CHEK2: variants seen among roughly 807,000 people sequenced by gnomAD.
The protein encoded by CHEK2 is serine/threonine-protein kinase Chk2.
CHEK2 carries 71 observed loss-of-function variants against 69.1 expected under a neutral mutation model. The observed-to-expected ratio is 1.03, with a 90% CI of 0.85 to 1.25. The LOEUF (loss-of-function observed/expected upper bound fraction) is 1.25, where lower values mean the gene tolerates loss of function less well. Ranked by LOEUF, CHEK2 falls within the 50% of genes most tolerant of loss-of-function variation. The probability of loss-of-function intolerance (pLI) is 0.00; values close to 1 mark genes in which losing one functional copy is unlikely to be tolerated. For missense variants in CHEK2, 664 were observed against 649.6 expected (o/e 1.02, Z -0.24); for synonymous variants, 189 against 226.9 (o/e 0.83, Z 1.50).
intron 9 of CHEK2, 68 bp from the exon 10 acceptor site, chr22:28,697,055 A>G: frequency 2.1e-6 from 2 of 932,596 alleles, no homozygotes; most frequent in South Asian, 2.6e-5. Flanking sequence ...CAAAGTTACC[A>G]ACACACACAT....
At chr22:28,716,783 T>C (rs1391447870) in intron 5 of CHEK2, among the ~76,000 whole-genome samples, 2 of 152,186 alleles carry the variant, frequency 1.3e-5, no homozygotes, top group Non-Finnish European at 2.9e-5. Context: ...CCTAAAGAAA[T>C]GGTTCTCAAA....
chr22:28,720,433 C>T (rs980095284), intron 4 of CHEK2, among the ~76,000 whole-genome samples: 1 of 151,792 alleles, frequency 6.6e-6, no homozygotes, highest in Non-Finnish European at 1.5e-5. Context: ...AATTCTATAA[C>T]CCAGGACAGT....
chr22:28,691,156 G>T (rs1419515718), intron 13 of CHEK2, among the ~76,000 whole-genome samples: 3 of 152,048 alleles, frequency 2.0e-5, no homozygotes, highest in Non-Finnish European at 4.4e-5. Flanking sequence ...CAAACAGAGT[G>T]GTCACAAGCC....
chr22:28,732,214 C>A lies in CHEK2; in HGVS notation c.319+2189G>T, dbSNP rs577578735. On this transcript the variant is annotated intron_variant, in intron 2 of 14. Coordinates refer to ENST00000404276, the MANE Select transcript of CHEK2 (RefSeq NM_007194.4). Reference sequence around the variant, plus strand: ...GCAACCTCTGCCTCCCAGGTTCAACCGATTCTCCTGCCTCAGCCTCCTGAG... The same window carrying A: ...GCAACCTCTGCCTCCCAGGTTCAACAGATTCTCCTGCCTCAGCCTCCTGAG... Among the ~76,000 whole-genome samples the A allele has an allele frequency of 6.6e-5, 10 of 152,216 alleles. No individual in the cohort carries two copies. The South Asian group carries it at 2.1e-3, about 32-fold the overall frequency.
intron 10 of CHEK2, among the ~76,000 whole-genome samples, chr22:28,696,349 A>T (rs1347414590): frequency 6.6e-6 from 1 of 152,164 alleles, no homozygotes; most frequent in African/African-American, 2.4e-5. Flanking sequence ...GAAACAGGGA[A>T]AGGCAGCGCA....
chr22:28,724,479 A>T lies in CHEK2; in HGVS notation c.592+498T>A, dbSNP rs553479665. 2.2e-5 allele frequency: 5 copies of T among 226,072 alleles called. No homozygotes were observed. In the East Asian group the frequency reaches 5.2e-4, roughly 24 times the overall value. 14.0% of individuals were successfully genotyped at this position (226,072 alleles called of 1,614,324 possible). A position where few individuals can be genotyped will look rare whatever the true frequency, so the allele number is the denominator to read the frequency against. On this transcript the variant is annotated intron_variant, in intron 4 of 14. Transcript: ENST00000404276. ...TACATAAAACCAATTAAACCTTAAA[A>T]CCTTAAAAATCTGTCTGGATGGAAC... is the stretch of plus-strand genomic sequence containing the variant.
At chr22:28,700,440 C>T (rs1229446805) in intron 8 of CHEK2, among the ~76,000 whole-genome samples, 1 of 152,052 alleles carries the variant, frequency 6.6e-6, no homozygotes, top group East Asian at 1.9e-4. Flanking sequence ...GTCTCAAATT[C>T]CTGGCCTCAA....
chr22:28,718,083 AG>A (rs1196719342), intron 5 of CHEK2, among the ~76,000 whole-genome samples: 1 of 152,212 alleles, frequency 6.6e-6, no homozygotes, highest in Admixed American at 6.5e-5. Context: ...TCCGTCTCAA[AG>A]AAAAAAAAGT....
intron 8 of CHEK2, among the ~76,000 whole-genome samples, chr22:28,700,714 T>C (rs190230695): frequency 2.0e-5 from 3 of 152,268 alleles, no homozygotes; most frequent in East Asian, 3.9e-4. Flanking sequence ...TCTACCTTGA[T>C]GGTTGTTATA....
intron 2 of CHEK2, among the ~76,000 whole-genome samples, chr22:28,731,753 C>G (rs2054224187): frequency 6.6e-6 from 1 of 152,016 alleles, no homozygotes; most frequent in African/African-American, 2.4e-5. Flanking sequence ...GTCTCAAACT[C>G]CTGGGTTCAA....
intron 4 of CHEK2, chr22:28,724,776 G>A (rs1327959234): frequency 1.6e-6 from 1 of 631,432 alleles, no homozygotes; most frequent in African/African-American, 1.8e-5. Context: ...ATGTGGGTCA[G>A]GCTGGTCTCG....
At chr22:28,713,213 C>T (rs567210421) in intron 5 of CHEK2, among the ~76,000 whole-genome samples, 5 of 152,114 alleles carry the variant, frequency 3.3e-5, no homozygotes, top group Admixed American at 2.0e-4. Flanking sequence ...ATTCACCTTC[C>T]GACGGACATT....
intron 5 of CHEK2, among the ~76,000 whole-genome samples, chr22:28,718,437 A>G (rs886170987): frequency 1.2e-4 from 19 of 152,226 alleles, no homozygotes; most frequent in Admixed American, 1.2e-3. Context: ...TATATATCCA[A>G]AAAAAAATTT....
chr22:28,723,064 C>G (rs555524200), intron 4 of CHEK2, among the ~76,000 whole-genome samples: 2 of 152,236 alleles, frequency 1.3e-5, no homozygotes, highest in Admixed American at 1.3e-4. Flanking sequence ...TCACGCTGAG[C>G]TACTTTTAAC....
intron 2 of CHEK2, among the ~76,000 whole-genome samples, chr22:28,729,925 ATTT>A (rs375179038): frequency 2.0e-5 from 3 of 148,594 alleles, no homozygotes; most frequent in Admixed American, 6.7e-5. Flanking sequence ...GCCAGAAAGC[ATTT>A]TTTTTTTCTT....
At chr22:28,723,885 G>T (rs560744772) in intron 4 of CHEK2, among the ~76,000 whole-genome samples, 22 of 152,158 alleles carry the variant, frequency 1.4e-4, no homozygotes, top group African/African-American at 5.3e-4. Flanking sequence ...GGAGGCAGAG[G>T]TTGCAGTGCC....
rs1555915357 is a variant in CHEK2 at position 28,699,855 on chromosome 22, T to A, written c.991A>T (p.Met331Leu). The A allele has an allele frequency of 6.2e-7, 1 of 1,613,462 alleles. No individual in the cohort carries two copies. Among genetic ancestry groups the A allele is most frequent in the Non-Finnish European group, 8.5e-7 (1 of 1,179,436 alleles). The change falls in exon 9 of 15, where the codon ATG becomes TTG. Residue 331 changes from methionine (M) to leucine (L), a missense_variant. Met to Leu is a conservative substitution (Grantham distance 15). Transcript: ENST00000404276. ...EATCKLYFYQ[M>L]LLAVQYLHEN... ...TCTTTTACCTGCACAGCCAAGAGCATCTGGTAAAAATAGAGCTTGCAGGTA... is the reference window on the plus strand; with the variant it reads ...TCTTTTACCTGCACAGCCAAGAGCAACTGGTAAAAATAGAGCTTGCAGGTA...
intron 2 of CHEK2, among the ~76,000 whole-genome samples, chr22:28,729,540 CAAAAAAAAAAAAA>C: frequency 2.4e-5 from 2 of 83,078 alleles, no homozygotes; most frequent in South Asian, 8.3e-4. Context: ...GACTCCATCT[CAAAAAAAAAAAAA>C]AAAAAAAAAA....
At chr22:28,703,173 G>A (rs1030824240) in intron 8 of CHEK2, among the ~76,000 whole-genome samples, 7 of 152,098 alleles carry the variant, frequency 4.6e-5, no homozygotes, top group Non-Finnish European at 8.8e-5. Flanking sequence ...GCATGTGGGG[G>A]TTCATTATAA....
Sources: allele counts gnomAD v4.1 joint callset (sites outside exome capture counted in the v4.1 genomes callset), GRCh38; gene constraint gnomAD v4.1.1; transcripts MANE v1.5; gene names NCBI Gene and HGNC (gene_info 2026-07-23, HGNC 2026-07-21).